The following UBE4A variants were observed in gnomAD, a reference collection of about 807,000 sequenced individuals.
The protein encoded by UBE4A is ubiquitin conjugation factor E4 A.
Under a neutral mutation model 117.9 loss-of-function variants are expected in UBE4A, and 48 were observed. The ratio of observed to expected loss-of-function variants is 0.41; its 90% CI spans 0.32 to 0.52. The LOEUF (loss-of-function observed/expected upper bound fraction) is 0.52, where lower values mean the gene tolerates loss of function less well. Ranked by LOEUF, UBE4A falls within the 20% of genes least tolerant of loss-of-function variation. The pLI, the probability that UBE4A is intolerant of heterozygous loss-of-function variation, is 0.33. For synonymous variants in UBE4A, 407 were observed against 450.0 expected (o/e 0.90, Z 1.21); for missense variants, 1,067 against 1,296.3 (o/e 0.82, Z 2.72).
At position 118,373,556 on chromosome 11, in the gene UBE4A, G is replaced by T. The variant is rs200966232; in HGVS notation, c.987G>T (p.Leu329Phe). 1.9e-6 allele frequency: 3 copies of T among 1,614,210 alleles called. No individual in the cohort carries two copies. The East Asian group carries it at 6.7e-5, about 36-fold the overall frequency. ...PTNGQMYQKT[L>F]LGVILSISCL... ...ATGGGCAAATGTACCAGAAGACCTT[G>T]CTGGGAGTAATTCTGAGTATCTCCT... The change falls in exon 8 of 20, where the codon TTG becomes TTT. Residue 329 changes from leucine (L) to phenylalanine (F), a missense_variant. By Grantham distance (22) the Leu-to-Phe change is conservative (BLOSUM62 0). This residue lies in a region of UBE4A where 1,001 missense variants were observed against 1,184.0 expected (regional missense o/e 0.85). Transcript: ENST00000252108.
In UBE4A at chr11:118,379,471, A is replaced by T. The variant is rs781888026; in HGVS notation, c.1597A>T (p.Asn533Tyr). The change falls in exon 11 of 20, where the codon AAC becomes TAC. Residue 533 changes from asparagine (N) to tyrosine (Y), a missense_variant. Physicochemically the swap from Asn to Tyr is moderately radical, Grantham distance 143. Coordinates refer to ENST00000252108, the MANE Select transcript of UBE4A (RefSeq NM_001204077.2). ...GTTGCATGATCAGATGGTAAAAATCAACCAAAATCTGCATCGGCTGCAGGT... is the reference window on the plus strand; with the variant it reads ...GTTGCATGATCAGATGGTAAAAATCTACCAAAATCTGCATCGGCTGCAGGT... ...HRLHDQMVKI[N>Y]QNLHRLQVAW... 6.2e-7 allele frequency: 1 copy of T among 1,613,608 alleles called. No homozygotes were observed. Among genetic ancestry groups the T allele is most frequent in the South Asian group, 1.1e-5 (1 of 91,074 alleles).
intron 1 of UBE4A, 28 bp downstream of exon 1, chr11:118,359,702 G>C (rs1156287027): frequency 6.9e-6 from 1 of 144,894 alleles, no homozygotes; most frequent in Non-Finnish European, 1.6e-5. Flanking sequence ...TTCAGGGGAC[G>C]GGGTCGTTGA....
chr11:118,385,059 G>A, intron 15 of UBE4A, 114 bp downstream of exon 15: 5 of 902,604 alleles, frequency 5.5e-6, no homozygotes, highest in Non-Finnish European at 8.3e-6. Flanking sequence ...CCTAGTACCA[G>A]ACTTGAACAC....
intron 2 of UBE4A, among the ~76,000 whole-genome samples, chr11:118,366,907 A>G (rs1948567931): frequency 6.6e-6 from 1 of 152,164 alleles, no homozygotes. Context: ...CGTCTCTACT[A>G]AAAACACAAA....
chr11:118,388,939 A>G (rs1948785882), intron 16 of UBE4A, among the ~76,000 whole-genome samples: 1 of 152,050 alleles, frequency 6.6e-6, no homozygotes, highest in African/African-American at 2.4e-5. Flanking sequence ...ACTGCACTGC[A>G]GCCTAGGCAC....
intron 2 of UBE4A, among the ~76,000 whole-genome samples, chr11:118,367,314 A>G (rs1455627549): frequency 6.6e-6 from 1 of 152,172 alleles, no homozygotes; most frequent in East Asian, 1.9e-4. Flanking sequence ...AAAAGGTACA[A>G]AAGATGTGAC....
At chr11:118,382,298 A>G (rs1380921485) in intron 12 of UBE4A, among the ~76,000 whole-genome samples, 1 of 152,144 alleles carries the variant, frequency 6.6e-6, no homozygotes, top group Non-Finnish European at 1.5e-5. Flanking sequence ...GCAGTAAATA[A>G]TGCATTATTA....
intron 8 of UBE4A, among the ~76,000 whole-genome samples, chr11:118,374,666 G>GTGCTCTAATTT (rs1307882635): frequency 6.6e-6 from 1 of 152,212 alleles, no homozygotes; most frequent in African/African-American, 2.4e-5. Flanking sequence ...AAAATTTACA[G>GTGCTCTAATTT]ACCTGTGCTC....
At chr11:118,366,821 CT>C (rs1241641146) in intron 2 of UBE4A, among the ~76,000 whole-genome samples, 8 of 152,226 alleles carry the variant, frequency 5.3e-5, no homozygotes, top group African/African-American at 1.7e-4. Context: ...GTAATCCCAG[CT>C]CCTTGGGAGG....
At chr11:118,363,940 A>C (rs1186000957) in intron 1 of UBE4A, among the ~76,000 whole-genome samples, 1 of 152,028 alleles carries the variant, frequency 6.6e-6, no homozygotes, top group African/African-American at 2.4e-5. Context: ...TGTTGATATG[A>C]TCCTGTGAGG....
At chr11:118,373,023 T>A in intron 6 of UBE4A, 63 bp from the exon 7 acceptor site, 1 of 1,353,148 alleles carries the variant, frequency 7.4e-7, no homozygotes, top group Non-Finnish European at 1.0e-6. Context: ...AGTAAAGAGC[T>A]AGTGTGTAAA....
At chr11:118,373,949 C>CAA (rs199500047) in intron 8 of UBE4A, among the ~76,000 whole-genome samples, 2 of 151,688 alleles carry the variant, frequency 1.3e-5, no homozygotes, top group Admixed American at 6.6e-5. Flanking sequence ...CCCATGTCTA[C>CAA]AAAAAAATAC....
chr11:118,390,424 T>C (rs1948802222), intron 17 of UBE4A, among the ~76,000 whole-genome samples: 1 of 146,282 alleles, frequency 6.8e-6, no homozygotes, highest in Non-Finnish European at 1.5e-5. Context: ...TTTTATATAA[T>C]ATAATTTTAT....
In UBE4A at chr11:118,374,877, G is replaced by C. The variant is rs782725018; in HGVS notation, c.1117-19G>C. On this transcript the variant is annotated intron_variant, in intron 8 of 19. Coordinates refer to ENST00000252108, the MANE Select transcript of UBE4A (RefSeq NM_001204077.2). ...TAGGATTGTGAAACGTTCTGTGGTT[G>C]TGTTTTCTGGTTGAACAGTTCATGG... 2 of 1,490,532 alleles carry C rather than the reference G, an allele frequency of 1.3e-6. No individual in the cohort carries two copies. Among genetic ancestry groups the C allele is most frequent in the East Asian group, 4.7e-5 (2 of 42,848 alleles). The allele number at this position is 1,490,532 out of a possible 1,614,324, so 92.3% of individuals were successfully genotyped here. A position where few individuals can be genotyped will look rare whatever the true frequency, so the allele number is the denominator to read the frequency against.
chr11:118,366,576 A>G (rs894616805), intron 2 of UBE4A, among the ~76,000 whole-genome samples: 2 of 152,170 alleles, frequency 1.3e-5, no homozygotes, highest in African/African-American at 4.8e-5. Context: ...ACCAGGTCCA[A>G]CCTGTTTCCA....
In UBE4A at chr11:118,372,600, A is replaced by T; in HGVS notation, c.655A>T (p.Ile219Phe). ...CCGAACAGTTCTTCTCACCCCAGAG[A>T]TCTATGTTGACCAAAACATCCATGA... is the stretch of plus-strand genomic sequence containing the variant. The part of the protein sequence containing the change: ...NTRTVLLTPE[I>F]YVDQNIHEQL... The change falls in exon 6 of 20, where the codon ATC becomes TTC. Residue 219 changes from isoleucine to phenylalanine, a missense_variant. By Grantham distance (21) the Ile-to-Phe change is conservative. Around this residue, in one of 3 missense-constraint regions of UBE4A, gnomAD observed 1,001 missense variants for 1,184.0 expected, o/e 0.85. Transcript: ENST00000252108. The T allele has an allele frequency of 6.2e-7, 1 of 1,614,130 alleles. No homozygotes were observed. The highest frequency in any genetic ancestry group is 8.5e-7 in the Non-Finnish European group (1 of 1,180,012).
chr11:118,376,172 A>G (rs900388728), intron 9 of UBE4A, among the ~76,000 whole-genome samples: 1 of 152,174 alleles, frequency 6.6e-6, no homozygotes, highest in Admixed American at 6.5e-5. Flanking sequence ...AGAGAAATGA[A>G]GAGAAAATAA....
intron 19 of UBE4A, among the ~76,000 whole-genome samples, chr11:118,394,003 C>G (rs1444562067): frequency 2.6e-5 from 4 of 152,198 alleles, no homozygotes; most frequent in Admixed American, 6.5e-5. Context: ...CCCAGCCTGC[C>G]TATTCTTCGG....
chr11:118,370,216 G>C (rs770269506), intron 4 of UBE4A, among the ~76,000 whole-genome samples: 1 of 152,132 alleles, frequency 6.6e-6, no homozygotes, highest in Non-Finnish European at 1.5e-5. Flanking sequence ...CTCATGTTGC[G>C]GCTTTCTTAT....
Sources: gnomAD v4.1 joint callset for allele counts (sites outside exome capture counted in the v4.1 genomes callset) on GRCh38, gnomAD v4.1.1 for gene constraint, gnomAD v4.1.1 regional missense constraint, MANE v1.5 for transcripts, NCBI Gene and HGNC (gene_info 2026-07-23, HGNC 2026-07-21) for gene names.